DEFB124: variants seen among roughly 807,000 people sequenced by gnomAD.
The protein encoded by DEFB124 is beta-defensin 124.
For synonymous variants in DEFB124, 38 were observed against 36.5 expected, an observed-to-expected ratio of 1.04 and a Z score of -0.15; for missense variants, 78 against 83.1, an observed-to-expected ratio of 0.94 and a Z score of 0.24.
chr20:31,465,775 G>A, intron 2 of DEFB124, 112 bp from the exon 3 acceptor site: 4 of 1,300,058 alleles, frequency 3.1e-6, no homozygotes, highest in Non-Finnish European at 3.2e-6. Context: ...TAGCTCTCTG[G>A]TCTTCTGTTA....
chr20:31,468,212 C>T (rs1445631777), intron 2 of DEFB124, among the ~76,000 whole-genome samples: 2 of 152,226 alleles, frequency 1.3e-5, no homozygotes, highest in East Asian at 1.9e-4. Context: ...CCACACCAAC[C>T]TCCTTGCTGC....
At chr20:31,470,433 A>AC (rs1980220637) in intron 2 of DEFB124, among the ~76,000 whole-genome samples, 18 of 124,000 alleles carry the variant, frequency 1.5e-4, no homozygotes, top group Non-Finnish European at 2.7e-4. Flanking sequence ...CGGGGGGCTG[A>AC]GCCCCCCACC....
chr20:31,473,939 A>G (rs376402593), intron 1 of DEFB124, among the ~76,000 whole-genome samples: 2 of 152,234 alleles, frequency 1.3e-5, no homozygotes, highest in African/African-American at 4.8e-5. Flanking sequence ...TCTGGTACAC[A>G]GGAATCTAAG....
chr20:31,470,459 G>A (rs1980222136), intron 2 of DEFB124, among the ~76,000 whole-genome samples: 1 of 140,534 alleles, frequency 7.1e-6, no homozygotes, highest in Non-Finnish European at 1.6e-5. Flanking sequence ...CCCGGACGGG[G>A]TGGCTGGCCT....
At chr20:31,472,914 T>C in intron 2 of DEFB124, 42 bp downstream of exon 2, 1 of 1,349,000 alleles carries the variant, frequency 7.4e-7, no homozygotes, top group Non-Finnish European at 1.0e-6. Context: ...CAAGCACACA[T>C]GTGCACACAC....
intron 2 of DEFB124, among the ~76,000 whole-genome samples, chr20:31,469,406 A>ACTCCAT (rs1399618455): frequency 6.6e-6 from 1 of 150,752 alleles, no homozygotes; most frequent in African/African-American, 2.4e-5. Flanking sequence ...CAAGAATGAA[A>ACTCCAT]CTCCATCTCA....
chr20:31,472,924 C>A, intron 2 of DEFB124, 32 bp downstream of exon 2: 1 of 1,610,832 alleles, frequency 6.2e-7, no homozygotes, highest in Non-Finnish European at 8.5e-7. Flanking sequence ...TGTGCACACA[C>A]ACACACACAC....
intron 2 of DEFB124, among the ~76,000 whole-genome samples, chr20:31,472,171 C>A (rs1262231057): frequency 6.6e-6 from 1 of 151,640 alleles, no homozygotes. Flanking sequence ...GAGGCCGAGG[C>A]TGGCGGATCA....
intron 2 of DEFB124, among the ~76,000 whole-genome samples, chr20:31,466,548 CA>C (rs1980086917): frequency 6.7e-6 from 1 of 148,788 alleles, no homozygotes; most frequent in South Asian, 2.1e-4. Context: ...TGCAGTGAGC[CA>C]AGTTCGTGCC....
At chr20:31,471,435 C>T (rs867237837) in intron 2 of DEFB124, among the ~76,000 whole-genome samples, 2 of 118,922 alleles carry the variant, frequency 1.7e-5, no homozygotes, top group African/African-American at 3.6e-5. Flanking sequence ...CCCTCCCGGA[C>T]GGGGCGGCTG....
intron 1 of DEFB124, 100 bp from the exon 2 acceptor site, chr20:31,473,138 A>G (rs1980380535): frequency 9.2e-7 from 1 of 1,086,402 alleles, no homozygotes; most frequent in Admixed American, 2.3e-5. Flanking sequence ...TGTGGGCAGC[A>G]GGCCTAAGTG....
chr20:31,472,184 C>G (rs1379015839), intron 2 of DEFB124, among the ~76,000 whole-genome samples: 17 of 151,964 alleles, frequency 1.1e-4, no homozygotes, highest in Non-Finnish European at 1.9e-4. Context: ...GCGGATCACT[C>G]GCGGTTAGGA....
rs577118797 is a variant in DEFB124 at position 31,469,215 on chromosome 20, G to A, written c.59-3552C>T. On this transcript the variant is annotated intron_variant, in intron 2 of 2. Coordinates refer to ENST00000317676, the MANE Select transcript of DEFB124 (RefSeq NM_001037500.2). The stretch of plus-strand genomic sequence containing the variant: ...GGGTGGGTCAATCACCTGAGGTCAG[G>A]AGATCTAGACCAGCCTGACCAACAT... Among the ~76,000 whole-genome samples, 188 of 152,210 alleles carry A rather than the reference G, an allele frequency of 1.2e-3. 3 individuals are homozygous for A. The highest frequency in any genetic ancestry group is 1.5e-3 in the Non-Finnish European group (102 of 68,024).
rs556482470 is a variant in DEFB124 at position 31,470,714 on chromosome 20, C to T, written c.58+2242G>A. Among the ~76,000 whole-genome samples the T allele has an allele frequency of 3.1e-4, 43 of 139,530 alleles. 1 individual carries two copies. In the East Asian group the frequency reaches 7.1e-3, roughly 23 times the overall value. 91.5% of individuals were successfully genotyped at this position (139,530 alleles called of 152,430 possible). On this transcript the variant is annotated intron_variant, in intron 2 of 2. Transcript: ENST00000317676. ...CTGGCTGGGCGGGGGGCTGACTCCC[C>T]CACCTCCCTCCCGGACGGGGTGGCT...
intron 2 of DEFB124, among the ~76,000 whole-genome samples, chr20:31,466,662 A>G (rs1217715458): frequency 6.8e-6 from 1 of 146,708 alleles, no homozygotes; most frequent in East Asian, 1.9e-4. Context: ...GAGGAGCAGA[A>G]TTTGGACTCA....
At position 31,472,963 on chromosome 20, in the gene DEFB124, C is replaced by G. The variant is rs754608171; in HGVS notation, c.51G>C (p.Val17=). The stretch of plus-strand genomic sequence containing the variant: ...TGCACACGATGTTGTTACCTGATGG[C>G]ACATGACCCAGAACCAGGAGAGCCA... ...FLVALLVLGH[V]PSGRSEFKRC... The change falls in exon 2 of 3, where the codon GTG becomes GTC. Residue 17 remains valine (V), a synonymous_variant. Transcript: ENST00000317676. 8 of 1,613,854 alleles carry G rather than the reference C, an allele frequency of 5.0e-6. No homozygotes were observed. Among genetic ancestry groups the G allele is most frequent in the Non-Finnish European group, 6.8e-6 (8 of 1,179,982 alleles).
Position 31,465,519 on chromosome 20 carries a change from T to G in DEFB124, c.203A>C (p.His68Pro), listed in dbSNP as rs148140130. 3.6e-3 allele frequency: 5,739 copies of G among 1,614,144 alleles called. 13 individuals carry two copies. Among genetic ancestry groups the G allele is most frequent in the Non-Finnish European group, 4.3e-3 (5,111 of 1,180,018 alleles). ...YALKPPPVPK[H>P]EYE ...AGCAGGAACCAGCTACTCATATTCA[T>G]GCTTGGGGACCGGTGGAGGTTTCAA... The change falls in exon 3 of 3, where the codon CAT becomes CCT. Residue 68 changes from histidine to proline, a missense_variant. Transcript: ENST00000317676.
intron 2 of DEFB124, among the ~76,000 whole-genome samples, chr20:31,470,193 C>G (rs1287373083): frequency 7.0e-6 from 1 of 143,410 alleles, no homozygotes; most frequent in Non-Finnish European, 1.5e-5. Flanking sequence ...GGGCGGCTGG[C>G]CGGGCGGGGG....
chr20:31,471,365 C>T (rs1189193624), intron 2 of DEFB124, among the ~76,000 whole-genome samples: 2 of 78,120 alleles, frequency 2.6e-5, no homozygotes, highest in Non-Finnish European at 5.2e-5. Flanking sequence ...CGGGGGCTGA[C>T]CCCCCCACCT....
Sources: gnomAD v4.1 joint callset for allele counts (sites outside exome capture counted in the v4.1 genomes callset) on GRCh38, gnomAD v4.1.1 for gene constraint, MANE v1.5 for transcripts, NCBI Gene and HGNC (gene_info 2026-07-23, HGNC 2026-07-21) for gene names.